The following COL19A1 variants were observed in gnomAD, a reference collection of about 807,000 sequenced individuals.
The protein encoded by COL19A1 is collagen type XIX alpha 1 chain.
COL19A1 carries 159 observed loss-of-function variants against 190.2 expected under a neutral mutation model. The observed-to-expected ratio is 0.84, with a 90% confidence interval of 0.73 to 0.95. COL19A1 has a LOEUF of 0.95. COL19A1 is among the 40% of genes least tolerant of loss of function. The pLI is 0.00. For synonymous variants in COL19A1, 509 were observed against 458.9 expected (o/e 1.11, Z -1.39); for missense variants, 1,418 against 1,431.9 (o/e 0.99, Z 0.16).
At chr6:70,010,140 C>G (rs1332413318) in intron 11 of COL19A1, among the ~76,000 whole-genome samples, 2 of 152,056 alleles carry the variant, frequency 1.3e-5, no homozygotes, top group East Asian at 3.9e-4. Flanking sequence ...ACAAAGCACA[C>G]CATGGGAGAA....
intron 14 of COL19A1, among the ~76,000 whole-genome samples, chr6:70,064,973 G>A (rs1781087702): frequency 6.6e-6 from 1 of 152,120 alleles, no homozygotes; most frequent in Non-Finnish European, 1.5e-5. Context: ...CAAACAAATG[G>A]GAGAACATTC....
At chr6:70,102,045 A>T in intron 15 of COL19A1, 124 bp from the exon 16 acceptor site, 1 of 826,196 alleles carries the variant, frequency 1.2e-6, no homozygotes, top group Non-Finnish European at 2.0e-6. Flanking sequence ...AGTCATGTGG[A>T]ATTGGAATTG....
intron 9 of COL19A1, among the ~76,000 whole-genome samples, chr6:69,947,487 A>G (rs2150031344): frequency 6.6e-6 from 1 of 151,972 alleles, no homozygotes; most frequent in South Asian, 2.1e-4. Flanking sequence ...ATTTTTCCCT[A>G]TATATGCCTA....
chr6:69,962,779 A>G (rs1774877667), intron 10 of COL19A1, 47 bp from the exon 11 acceptor site: 2 of 1,328,982 alleles, frequency 1.5e-6, no homozygotes, highest in Non-Finnish European at 2.1e-6. Flanking sequence ...TGCATGTGTT[A>G]TAAGTATCAT....
chr6:70,052,184 A>AACC (rs1780244163), intron 14 of COL19A1, among the ~76,000 whole-genome samples: 1 of 152,146 alleles, frequency 6.6e-6, no homozygotes, highest in African/African-American at 2.4e-5. Flanking sequence ...CAGTGTACTA[A>AACC]ACCAAGTAGT....
chr6:69,940,221 C>T, intron 9 of COL19A1, among the ~76,000 whole-genome samples: 1 of 152,232 alleles, frequency 6.6e-6, no homozygotes, highest in Non-Finnish European at 1.5e-5. Context: ...TTTTCCCCCT[C>T]GATTCCCTTT....
rs575546429 is a variant in COL19A1 at position 69,917,838 on chromosome 6, C to CA, written c.267-10064dup. On this transcript the variant is annotated intron_variant, in intron 4 of 50. Transcript: ENST00000620364. ...TAGCTGATGAGCTAAAAAAAAATCA[C>CA]AAAAAAATCTCATAATGTTTTAAGA... Among the ~76,000 whole-genome samples, 55 of 152,100 alleles carry CA rather than the reference C, an allele frequency of 3.6e-4. 2 individuals are homozygous for CA. The South Asian group carries it at 0.011, about 32-fold the overall frequency.
In COL19A1 at chr6:70,123,852, C is replaced by T. The variant is rs190534691; in HGVS notation, c.1341+1910C>T. 2.5e-3 allele frequency among the ~76,000 whole-genome samples: 374 copies of T among 149,732 alleles called. 2 individuals are homozygous for T. The highest frequency in any genetic ancestry group is 8.5e-3 in the African/African-American group (345 of 40,502). On this transcript the variant is annotated intron_variant, in intron 17 of 50. Transcript: ENST00000620364. ...GGGAGGGATAGCATTGGGAGATACACCTAATGCTAGATGACGAGTTAGTGG... is the reference window on the plus strand; with the variant it reads ...GGGAGGGATAGCATTGGGAGATACATCTAATGCTAGATGACGAGTTAGTGG...
At chr6:69,928,127 A>C (rs954036955) in intron 5 of COL19A1, 95 bp downstream of exon 5, 4 of 1,499,304 alleles carry the variant, frequency 2.7e-6, no homozygotes, top group Non-Finnish European at 2.7e-6. Context: ...GAGTAGATCT[A>C]GTATCCAAAT....
chr6:69,896,543 C>CAAAAAAAAAAAAAAAAAAAAA (rs61409385), intron 2 of COL19A1, among the ~76,000 whole-genome samples: 5 of 71,674 alleles, frequency 7.0e-5, no homozygotes, highest in African/African-American at 3.0e-4. Flanking sequence ...GACTCCGTCT[C>CAAAAAAAAAAAAAAAAAAAAA]AAAAAAAAAA....
At chr6:70,068,499 G>A (rs753100362) in intron 15 of COL19A1, 23 bp downstream of exon 15, 47 of 1,514,220 alleles carry the variant, frequency 3.1e-5, no homozygotes, top group Non-Finnish European at 4.3e-5. Context: ...GGAACAACTG[G>A]TGGGCATTAC....
chr6:70,158,289 GTGAATAAAACTT>G lies in COL19A1; in HGVS notation c.2292+1570_2292+1581del, dbSNP rs545434429. Among the ~76,000 whole-genome samples the G allele has an allele frequency of 5.3e-5, 8 of 152,174 alleles. No individual in the cohort carries two copies. In the South Asian group the frequency reaches 1.7e-3, roughly 32 times the overall value. On this transcript the variant is annotated intron_variant, in intron 34 of 50. Transcript: ENST00000620364. Reference sequence around the variant, plus strand: ...AATTACAATTTGTTGATTTGTCAAAGTGAATAAAACTTTGACCAAAAACAAGTGCATTTCCAA... The same window carrying G: ...AATTACAATTTGTTGATTTGTCAAAGTGACCAAAAACAAGTGCATTTCCAA...
chr6:70,061,146 C>T lies in COL19A1; in HGVS notation c.1171-7277C>T, dbSNP rs1200209334. Among the ~76,000 whole-genome samples the T allele has an allele frequency of 2.6e-5, 4 of 152,064 alleles. No homozygotes were observed. The East Asian group carries it at 7.7e-4, about 29-fold the overall frequency. ...TCCTGGATCATTATAAATAATCCTC[C>T]CAGAATTTTAATTTGTTAGTTTGGG... is the stretch of plus-strand genomic sequence containing the variant. On this transcript the variant is annotated intron_variant, in intron 14 of 50. Coordinates refer to ENST00000620364, the MANE Select transcript of COL19A1 (RefSeq NM_001858.6).
intron 15 of COL19A1, among the ~76,000 whole-genome samples, chr6:70,079,541 G>C (rs1782108542): frequency 6.6e-6 from 1 of 152,138 alleles, no homozygotes; most frequent in African/African-American, 2.4e-5. Context: ...AGATGAACTA[G>C]AAAGTTTAAA....
At chr6:70,063,258 G>T (rs1490346263) in intron 14 of COL19A1, among the ~76,000 whole-genome samples, 1 of 152,062 alleles carries the variant, frequency 6.6e-6, no homozygotes. Flanking sequence ...AAATGTAAAA[G>T]AACAGAAATC....
chr6:70,183,437 C>T (rs1766309182), intron 44 of COL19A1, among the ~76,000 whole-genome samples: 1 of 152,176 alleles, frequency 6.6e-6, no homozygotes, highest in Non-Finnish European at 1.5e-5. Context: ...TGATAAATTA[C>T]TGGAGATAAA....
chr6:69,964,386 T>C (rs1391831870), intron 11 of COL19A1, among the ~76,000 whole-genome samples: 1 of 152,222 alleles, frequency 6.6e-6, no homozygotes, highest in Non-Finnish European at 1.5e-5. Flanking sequence ...TGGAAGGCCA[T>C]GTCTTTAAAT....
At position 70,146,681 on chromosome 6, in the gene COL19A1, C is replaced by G. The variant is rs1245598591; in HGVS notation, c.1793C>G (p.Ala598Gly). 13 of 1,605,976 alleles carry G rather than the reference C, an allele frequency of 8.1e-6. No individual in the cohort carries two copies. The highest frequency in any genetic ancestry group is 1.1e-5 in the Non-Finnish European group (13 of 1,176,330). The change falls in exon 26 of 51, where the codon GCA becomes GGA. Residue 598 changes from alanine to glycine, a missense_variant. Transcript: ENST00000620364. ...TAGGGATTAGATGGAAATCCTGGAG[C>G]ACCTGGTCCACGTGGGCCAAAGGTA... Reference protein sequence around the residue: ...GEPGLDGNPGAPGPRGPKGER... With the variant: ...GEPGLDGNPGGPGPRGPKGER...
chr6:70,073,851 G>T (rs1309180572), intron 15 of COL19A1, among the ~76,000 whole-genome samples: 1 of 152,026 alleles, frequency 6.6e-6, no homozygotes, highest in Non-Finnish European at 1.5e-5. Context: ...AAATTTACTG[G>T]GATTTTCATG....
Sources: gnomAD v4.1 joint callset for allele counts (sites outside exome capture counted in the v4.1 genomes callset) on GRCh38, gnomAD v4.1.1 for gene constraint, MANE v1.5 for transcripts, NCBI Gene and HGNC (gene_info 2026-07-23, HGNC 2026-07-21) for gene names.